The following LRBA variants were observed in gnomAD, a reference collection of about 807,000 sequenced individuals.
LRBA encodes lipopolysaccharide-responsive and beige-like anchor protein.
LRBA carries 176 observed loss-of-function variants against 330.0 expected under a neutral mutation model. The ratio of observed to expected loss-of-function variants is 0.53; its 90% CI spans 0.47 to 0.60. LRBA has a LOEUF of 0.60. Among genes scored for constraint, LRBA ranks in the 20% least tolerant of loss-of-function variants. The probability of loss-of-function intolerance (pLI) is 0.00; values close to 1 mark genes in which losing one functional copy is unlikely to be tolerated. For synonymous variants in LRBA, 1,230 were observed against 1,193.0 expected (o/e 1.03, Z -0.64); for missense variants, 3,259 against 3,444.8 (o/e 0.95, Z 1.35).
intron 40 of LRBA, among the ~76,000 whole-genome samples, chr4:150,558,383 T>C (rs975951021): frequency 6.6e-6 from 1 of 152,230 alleles, no homozygotes; most frequent in African/African-American, 2.4e-5. Context: ...GGACTCCTAT[T>C]TACTTCATAC....
At chr4:150,980,289 A>T (rs1170207984) in intron 2 of LRBA, among the ~76,000 whole-genome samples, 4 of 152,204 alleles carry the variant, frequency 2.6e-5, no homozygotes, top group Non-Finnish European at 4.4e-5. Flanking sequence ...CCGTGACAAA[A>T]AAAACCCTCA....
chr4:150,388,056 G>T (rs13113613), intron 47 of LRBA, among the ~76,000 whole-genome samples: 1 of 152,170 alleles, frequency 6.6e-6, no homozygotes, highest in African/African-American at 2.4e-5. Flanking sequence ...AATTAATTTA[G>T]AATTTCTGAA....
At chr4:150,559,628 TAATA>T (rs1157773450) in intron 40 of LRBA, among the ~76,000 whole-genome samples, 2 of 81,378 alleles carry the variant, frequency 2.5e-5, no homozygotes, top group African/African-American at 4.8e-5. Flanking sequence ...TATTATTTTA[TAATA>T]TATATTTATA....
At chr4:150,394,637 T>A (rs966036328) in intron 47 of LRBA, among the ~76,000 whole-genome samples, 4 of 152,158 alleles carry the variant, frequency 2.6e-5, no homozygotes, top group African/African-American at 7.2e-5. Context: ...TCTTTACATA[T>A]CAGGACTAAA....
At chr4:150,410,914 G>A (rs1032397196) in intron 47 of LRBA, among the ~76,000 whole-genome samples, 1 of 152,012 alleles carries the variant, frequency 6.6e-6, no homozygotes, top group African/African-American at 2.4e-5. Flanking sequence ...TAATATGTAG[G>A]TCCAAACATT....
intron 51 of LRBA, among the ~76,000 whole-genome samples, chr4:150,312,124 T>C: frequency 6.6e-6 from 1 of 152,136 alleles, no homozygotes; most frequent in East Asian, 1.9e-4. Flanking sequence ...TTTGGGCATG[T>C]ACATAATTTT....
chr4:150,384,989 T>C (rs1161420148), intron 47 of LRBA, among the ~76,000 whole-genome samples: 1 of 152,208 alleles, frequency 6.6e-6, no homozygotes, highest in African/African-American at 2.4e-5. Flanking sequence ...CCTAAACTAT[T>C]GGTCATAAAT....
intron 34 of LRBA, among the ~76,000 whole-genome samples, chr4:150,774,691 T>C (rs1349530140): frequency 2.0e-5 from 3 of 152,112 alleles, no homozygotes; most frequent in African/African-American, 7.2e-5. Context: ...AAGACACATA[T>C]ATGTGTGGAC....
chr4:150,944,077 C>A (rs968508769), intron 2 of LRBA, among the ~76,000 whole-genome samples: 1 of 152,198 alleles, frequency 6.6e-6, no homozygotes, highest in East Asian at 1.9e-4. Context: ...TAGATGACTA[C>A]AGCTCCAGCC....
chr4:150,532,153 G>A lies in LRBA; in HGVS notation c.6331-41118C>T, dbSNP rs192799858. On this transcript the variant is annotated intron_variant, in intron 40 of 56. Coordinates refer to ENST00000651943, the MANE Select transcript of LRBA (RefSeq NM_001364905.1). ...CCTTTTCCTTATGTTCATTAATCTC[G>A]TCACCTTATCTTTTATACCACTTCA... Among the ~76,000 whole-genome samples the A allele has an allele frequency of 2.2e-4, 33 of 152,106 alleles. No individual in the cohort carries two copies. In the South Asian group the frequency reaches 3.1e-3, roughly 14 times the overall value.
At chr4:150,727,422 C>G (rs916830080) in intron 36 of LRBA, among the ~76,000 whole-genome samples, 13 of 152,058 alleles carry the variant, frequency 8.5e-5, no homozygotes, top group Admixed American at 1.3e-4. Context: ...ACACATTCTT[C>G]TCCTCAGCAC....
intron 40 of LRBA, among the ~76,000 whole-genome samples, chr4:150,548,970 C>T (rs1766215056): frequency 6.6e-6 from 1 of 152,092 alleles, no homozygotes; most frequent in Admixed American, 6.6e-5. Flanking sequence ...AGAAAGCAGG[C>T]TCATTTGCCA....
At chr4:150,493,494 A>G (rs971735990) in intron 40 of LRBA, among the ~76,000 whole-genome samples, 7 of 152,218 alleles carry the variant, frequency 4.6e-5, no homozygotes, top group Non-Finnish European at 1.0e-4. Context: ...TGATATTTTA[A>G]CAAAATTTCA....
intron 39 of LRBA, 25 bp downstream of exon 39, chr4:150,590,688 A>T (rs1051074541): frequency 6.2e-7 from 1 of 1,609,396 alleles, no homozygotes; most frequent in Non-Finnish European, 8.5e-7. Flanking sequence ...GGTAGCTGAA[A>T]TATCTGCACA....
intron 46 of LRBA, among the ~76,000 whole-genome samples, chr4:150,430,531 C>T (rs55875525): frequency 0.22 from 32,750 of 152,040 alleles, 4,411 homozygotes; most frequent in Non-Finnish European, 0.31. Flanking sequence ...ACTTGTTTTA[C>T]TGTAGGTATC....
At chr4:150,803,395 T>C (rs1195320107) in intron 33 of LRBA, among the ~76,000 whole-genome samples, 1 of 151,972 alleles carries the variant, frequency 6.6e-6, no homozygotes, top group Non-Finnish European at 1.5e-5. Flanking sequence ...TGAATATGGT[T>C]TGGATAGCTG....
intron 42 of LRBA, among the ~76,000 whole-genome samples, chr4:150,486,767 TC>T (rs1376478859): frequency 6.6e-6 from 1 of 151,798 alleles, no homozygotes; most frequent in Non-Finnish European, 1.5e-5. Context: ...AAATTTTGTA[TC>T]CTTTGACCAA....
chr4:150,588,575 C>T (rs1036692838), intron 39 of LRBA, among the ~76,000 whole-genome samples: 3 of 152,180 alleles, frequency 2.0e-5, no homozygotes, highest in Admixed American at 6.5e-5. Flanking sequence ...CCTCAATAGG[C>T]TTCCAAGGCC....
rs554983066 is a variant in LRBA at position 150,964,272 on chromosome 4, G to A, written c.217-35207C>T. ...GGGGGCCCCTCTGCCCAGCAGCCCC[G>A]TCTGGGAAGTGAGGAGCCCCTCTGC... On this transcript the variant is annotated intron_variant, in intron 2 of 56. Transcript: ENST00000651943. 2.2e-4 allele frequency among the ~76,000 whole-genome samples: 32 copies of A among 148,194 alleles called. 1 individual carries two copies. The highest frequency in any genetic ancestry group is 1.0e-3 in the South Asian group (5 of 4,788).
Sources: allele counts gnomAD v4.1 joint callset (sites outside exome capture counted in the v4.1 genomes callset), GRCh38; gene constraint gnomAD v4.1.1; transcripts MANE v1.5; gene names NCBI Gene and HGNC (gene_info 2026-07-23, HGNC 2026-07-21).